The following COL11A1 variants were observed in gnomAD, a reference collection of about 807,000 sequenced individuals.
The protein encoded by COL11A1 is collagen type XI alpha 1 chain, also known as collagen alpha-1(XI) chain.
Under a neutral mutation model 265.2 loss-of-function variants are expected in COL11A1, and 74 were observed. The ratio of observed to expected loss-of-function variants is 0.28; its 90% CI spans 0.23 to 0.34. The LOEUF is 0.34. Ranked by LOEUF, COL11A1 falls within the 10% of genes least tolerant of loss-of-function variation. The probability of loss-of-function intolerance (pLI) is 1.00; values close to 1 mark genes in which losing one functional copy is unlikely to be tolerated. For synonymous variants in COL11A1, 816 were observed against 727.6 expected (o/e 1.12, Z -1.96); for missense variants, 2,165 against 2,263.6 (o/e 0.96, Z 0.88).
chr1:102,980,822 G>A (rs900827822), intron 31 of COL11A1, among the ~76,000 whole-genome samples: 11 of 152,020 alleles, frequency 7.2e-5, no homozygotes, highest in African/African-American at 2.7e-4. Flanking sequence ...TGGCAGTGAG[G>A]TCCAGGAATC....
intron 45 of COL11A1, 48 bp from the exon 46 acceptor site, chr1:102,934,604 G>T (rs369906442): frequency 3.6e-6 from 5 of 1,393,898 alleles, no homozygotes; most frequent in Admixed American, 3.4e-5. Context: ...AAATCATTAC[G>T]ATATGAGTCA....
Position 102,921,510 on chromosome 1 carries a change from G to T in COL11A1, c.3708+8C>A. Reference sequence around the variant, plus strand: ...CAAAATAATTAACATATATTTCAGAGTTCTTACATCAGCTCCATTGGGACC... The same window carrying T: ...CAAAATAATTAACATATATTTCAGATTTCTTACATCAGCTCCATTGGGACC... On this transcript the variant is annotated splice_region_variant and intron_variant, in intron 48 of 66. Transcript: ENST00000370096. 1 of 1,608,792 alleles carries T rather than the reference G, an allele frequency of 6.2e-7. No individual in the cohort carries two copies. The highest frequency in any genetic ancestry group is 1.7e-5 in the Admixed American group (1 of 59,892).
rs747919595 is a variant in COL11A1, at chr1:102,965,529, G to C, written c.2874C>G (p.Gly958=). ...CCCCTGGCCCAGGAGGGCCGGTCTTGCCTTGAAATCCCTAAGGAGGCAAAG... is the reference window on the plus strand; with the variant it reads ...CCCCTGGCCCAGGAGGGCCGGTCTTCCCTTGAAATCCCTAAGGAGGCAAAG... ...PGQRGETGFQ[G]KTGPPGPGGV... Residue 958 remains glycine (G), a synonymous_variant, in exon 38 of 67, where the codon GGC becomes GGG. Coordinates refer to ENST00000370096, the MANE Select transcript of COL11A1 (RefSeq NM_001854.4). 3 of 1,613,480 alleles carry C rather than the reference G, an allele frequency of 1.9e-6. No individual in the cohort carries two copies. Among genetic ancestry groups the C allele is most frequent in the African/African-American group, 2.7e-5 (2 of 74,916 alleles).
intron 41 of COL11A1, among the ~76,000 whole-genome samples, chr1:102,950,875 C>G (rs1242993220): frequency 7.9e-5 from 12 of 152,096 alleles, no homozygotes; most frequent in Admixed American, 7.9e-4. Flanking sequence ...AGGTCAGTTT[C>G]CCCCATGCTG....
At chr1:103,079,406 T>C (rs1002583919) in intron 2 of COL11A1, among the ~76,000 whole-genome samples, 3 of 152,114 alleles carry the variant, frequency 2.0e-5, no homozygotes, top group African/African-American at 7.2e-5. Flanking sequence ...TATGTCATTA[T>C]GAGCCAGAAC....
intron 36 of COL11A1, among the ~76,000 whole-genome samples, chr1:102,974,156 C>A (rs958629960): frequency 7.0e-6 from 1 of 143,206 alleles, no homozygotes; most frequent in African/African-American, 2.6e-5. Context: ...CTCCCACTCT[C>A]TTAAAGAAAC....
chr1:103,004,955 A>G (rs1189442677), intron 18 of COL11A1, among the ~76,000 whole-genome samples: 1 of 152,058 alleles, frequency 6.6e-6, no homozygotes, highest in Non-Finnish European at 1.5e-5. Context: ...AATTATTTTA[A>G]GCTAAATTGT....
chr1:103,035,882 T>A (rs1668328970), intron 4 of COL11A1, among the ~76,000 whole-genome samples: 1 of 151,976 alleles, frequency 6.6e-6, no homozygotes, highest in African/African-American at 2.4e-5. Flanking sequence ...CTACTAATTT[T>A]AAATAGACAC....
chr1:103,025,452 G>A lies in COL11A1; in HGVS notation c.990+69C>T, dbSNP rs41292531. On this transcript the variant is annotated intron_variant, in intron 7 of 66. Coordinates refer to ENST00000370096, the MANE Select transcript of COL11A1 (RefSeq NM_001854.4). ...GAGAAATTATAGATTCTTCCAGAGT[G>A]AAGTATATCAAAATAAATTACATAT... 0.013 allele frequency: 13,928 copies of A among 1,044,098 alleles called. 136 individuals are homozygous for A. Among genetic ancestry groups the A allele is most frequent in the South Asian group, 0.018 (1,391 of 78,210 alleles). The allele number at this position is 1,044,098 out of a possible 1,614,324, so 64.7% of individuals were successfully genotyped here. A position where few individuals can be genotyped will look rare whatever the true frequency, so the allele number is the denominator to read the frequency against.
intron 54 of COL11A1, among the ~76,000 whole-genome samples, chr1:102,904,510 A>C (rs1240772442): frequency 6.6e-6 from 1 of 152,098 alleles, no homozygotes; most frequent in Non-Finnish European, 1.5e-5. Flanking sequence ...TCTACAATGA[A>C]CTCAAACAAA....
intron 1 of COL11A1, among the ~76,000 whole-genome samples, chr1:103,092,391 T>C (rs1232794663): frequency 2.6e-5 from 4 of 152,276 alleles, no homozygotes; most frequent in South Asian, 2.1e-4. Context: ...TAGATACAAG[T>C]CTTTTATGGT....
At chr1:102,991,839 T>C (rs1324222803) in intron 28 of COL11A1, among the ~76,000 whole-genome samples, 1 of 151,984 alleles carries the variant, frequency 6.6e-6, no homozygotes, top group East Asian at 1.9e-4. Flanking sequence ...CAGGAATTTT[T>C]TTTTTTTTTT....
intron 33 of COL11A1, 55 bp downstream of exon 33, chr1:102,979,005 T>C: frequency 6.2e-7 from 1 of 1,608,984 alleles, no homozygotes; most frequent in Non-Finnish European, 8.5e-7. Flanking sequence ...TAAATTATCT[T>C]GATACACTAA....
At chr1:103,038,083 C>T (rs993764882) in intron 4 of COL11A1, among the ~76,000 whole-genome samples, 10 of 152,010 alleles carry the variant, frequency 6.6e-5, no homozygotes, top group African/African-American at 2.4e-4. Flanking sequence ...TAGGAGTTAG[C>T]CTAATGAAGG....
Position 102,934,444 on chromosome 1 carries a change from C to T in COL11A1, c.3600+5G>A. On this transcript the variant is annotated splice_donor_5th_base_variant and intron_variant, in intron 46 of 66. Coordinates refer to ENST00000370096, the MANE Select transcript of COL11A1 (RefSeq NM_001854.4). Reference sequence around the variant, plus strand: ...ATGGAGTAAACAATGACAGGATCATCTTACCTGAAGACCTATTGGACCAGG... The same window carrying T: ...ATGGAGTAAACAATGACAGGATCATTTTACCTGAAGACCTATTGGACCAGG... The T allele has an allele frequency of 6.3e-7, 1 of 1,596,316 alleles. No individual in the cohort carries two copies. Among genetic ancestry groups the T allele is most frequent in the Non-Finnish European group, 8.6e-7 (1 of 1,163,724 alleles).
In COL11A1 at chr1:102,889,669, A is replaced by G. The variant is rs1356982950; in HGVS notation, c.4357-107T>C. 5 of 812,764 alleles carry G rather than the reference A, an allele frequency of 6.2e-6. No individual in the cohort carries two copies. In the East Asian group the frequency reaches 8.0e-5, roughly 13 times the overall value. The allele number at this position is 812,764 out of a possible 1,614,324, so 50.3% of individuals were successfully genotyped here. On this transcript the variant is annotated intron_variant, in intron 58 of 66. Coordinates refer to ENST00000370096, the MANE Select transcript of COL11A1 (RefSeq NM_001854.4). The stretch of plus-strand genomic sequence containing the variant: ...AATTTCTAAAGCATAAAAATGAACA[A>G]TGCTGATAAAACAACATTAAAATAC...
intron 24 of COL11A1, 63 bp downstream of exon 24, chr1:103,001,862 C>T: frequency 1.3e-6 from 2 of 1,482,466 alleles, no homozygotes; most frequent in Non-Finnish European, 1.9e-6. Flanking sequence ...GACCTTATAC[C>T]TGCCTAAGAT....
chr1:102,983,933 T>A (rs1663281464), intron 31 of COL11A1, among the ~76,000 whole-genome samples: 1 of 152,062 alleles, frequency 6.6e-6, no homozygotes. Context: ...CATGATTCCT[T>A]CTCCTAAAAT....
chr1:102,939,440 C>T (rs944133682), intron 43 of COL11A1, among the ~76,000 whole-genome samples: 3 of 152,098 alleles, frequency 2.0e-5, no homozygotes, highest in African/African-American at 7.2e-5. Flanking sequence ...TTCTGGGTCG[C>T]GCACCTGTAA....
Sources: gnomAD v4.1 joint callset for allele counts (sites outside exome capture counted in the v4.1 genomes callset) on GRCh38, gnomAD v4.1.1 for gene constraint, MANE v1.5 for transcripts, NCBI Gene and HGNC (gene_info 2026-07-23, HGNC 2026-07-21) for gene names.